Variants in MYO16 observed in about 807,000 individuals in gnomAD.
MYO16 encodes the protein myosin XVI.
A neutral mutation model predicts 205.3 loss-of-function variants in MYO16; 94 were observed. The ratio of observed to expected loss-of-function variants is 0.46; its 90% CI spans 0.39 to 0.54. The LOEUF is 0.54. Among genes scored for constraint, MYO16 ranks in the 20% least tolerant of loss-of-function variants. The probability of loss-of-function intolerance (pLI) is 0.00; values close to 1 mark genes in which losing one functional copy is unlikely to be tolerated. For synonymous variants in MYO16, 988 were observed against 954.0 expected (o/e 1.04, Z -0.66); for missense variants, 2,315 against 2,387.5 (o/e 0.97, Z 0.63).
chr13:108,886,593 C>T (rs1221103147), intron 13 of MYO16: 1 of 425,030 alleles, frequency 2.4e-6, no homozygotes, highest in Non-Finnish European at 4.7e-6. Flanking sequence ...GGCGGCTCCA[C>T]CCCCCGTCCT....
intron 7 of MYO16, among the ~76,000 whole-genome samples, chr13:108,814,191 G>A (rs1887378882): frequency 1.3e-5 from 2 of 152,126 alleles, no homozygotes; most frequent in Non-Finnish European, 2.9e-5. Flanking sequence ...TCTATAAACA[G>A]CAAATTGAAT....
chr13:108,712,592 CT>C lies in MYO16; in HGVS notation c.293-68del. The C allele has an allele frequency of 3.0e-6, 4 of 1,354,098 alleles. No homozygotes were observed. In the South Asian group the frequency reaches 4.7e-5, roughly 16 times the overall value. 83.9% of individuals were successfully genotyped at this position (1,354,098 alleles called of 1,614,324 possible). ...TTGCATTTTAGATATTAACGAAAGC[CT>C]ACACATTTGGTTCCACACGTGGAAG... is the stretch of plus-strand genomic sequence containing the variant. On this transcript the variant is annotated intron_variant, in intron 2 of 34. Coordinates refer to ENST00000457511, the MANE Select transcript of MYO16 (RefSeq NM_001198950.3).
At chr13:108,914,933 G>A (rs1208146980) in intron 16 of MYO16, among the ~76,000 whole-genome samples, 5 of 152,190 alleles carry the variant, frequency 3.3e-5, no homozygotes, top group Non-Finnish European at 7.3e-5. Flanking sequence ...ATGAACCACT[G>A]CGCCCGACCT....
intron 1 of MYO16, among the ~76,000 whole-genome samples, chr13:108,618,230 A>G (rs1006264989): frequency 2.6e-5 from 4 of 152,194 alleles, no homozygotes; most frequent in African/African-American, 9.7e-5. Context: ...ATCTGCTGCA[A>G]GAGTGGTCTT....
At chr13:109,119,661 G>C (rs1875889231) in intron 28 of MYO16, among the ~76,000 whole-genome samples, 1 of 152,158 alleles carries the variant, frequency 6.6e-6, no homozygotes, top group Non-Finnish European at 1.5e-5. Flanking sequence ...ATCAATATCA[G>C]TACGTTTGGA....
At chr13:108,500,911 T>C in the MYO16 span, among the ~76,000 whole-genome samples, 5,968 of 152,226 alleles carry the variant, frequency 0.039, 377 homozygotes, top group African/African-American at 0.14. Flanking sequence ...TCCAGCCTCC[T>C]CTGACACCTC....
intron 1 of MYO16, among the ~76,000 whole-genome samples, chr13:108,664,217 C>G (rs2139429745): frequency 6.6e-6 from 1 of 152,310 alleles, no homozygotes; most frequent in African/African-American, 2.4e-5. Context: ...TAGCTTCTGT[C>G]AAATGCAAAT....
At chr13:109,022,329 ATAT>A (rs2139521227) in intron 23 of MYO16, among the ~76,000 whole-genome samples, 2 of 124,200 alleles carry the variant, frequency 1.6e-5, no homozygotes, top group Non-Finnish European at 3.1e-5. Flanking sequence ...ATACAAATAT[ATAT>A]TTATATATTA....
At chr13:109,038,241 A>G (rs1021926709) in intron 23 of MYO16, among the ~76,000 whole-genome samples, 1 of 152,066 alleles carries the variant, frequency 6.6e-6, no homozygotes, top group Non-Finnish European at 1.5e-5. Flanking sequence ...CTTGAACATC[A>G]TTTCTGAGGG....
intron 15 of MYO16, among the ~76,000 whole-genome samples, chr13:108,901,474 G>T (rs903320439): frequency 6.6e-6 from 1 of 152,168 alleles, no homozygotes; most frequent in Non-Finnish European, 1.5e-5. Flanking sequence ...AATATCGGGG[G>T]TGAATTTCAC....
At chr13:108,757,650 C>A (rs1034453837) in intron 4 of MYO16, among the ~76,000 whole-genome samples, 3 of 152,000 alleles carry the variant, frequency 2.0e-5, no homozygotes, top group Admixed American at 2.0e-4. Flanking sequence ...CCACAACAGG[C>A]CCCAGTGTGT....
chr13:108,785,784 G>A (rs1270709008), intron 5 of MYO16, 41 bp downstream of exon 5: 1 of 1,296,420 alleles, frequency 7.7e-7, no homozygotes, highest in East Asian at 2.3e-5. Context: ...AAATAGATTG[G>A]GAGAATTGTA....
intron 22 of MYO16, among the ~76,000 whole-genome samples, chr13:109,016,005 C>T (rs934100669): frequency 6.6e-6 from 1 of 152,066 alleles, no homozygotes; most frequent in Non-Finnish European, 1.5e-5. Flanking sequence ...CTTCTGATAG[C>T]TTTTGAATTT....
At chr13:108,905,013 G>C (rs1290172260) in intron 15 of MYO16, among the ~76,000 whole-genome samples, 2 of 151,610 alleles carry the variant, frequency 1.3e-5, no homozygotes, top group South Asian at 2.1e-4. Flanking sequence ...TATTTTTTTC[G>C]ATCTTCAAAA....
intron 2 of MYO16, among the ~76,000 whole-genome samples, chr13:108,702,556 T>C (rs1883350264): frequency 6.6e-6 from 1 of 152,166 alleles, no homozygotes; most frequent in Admixed American, 6.6e-5. Context: ...AGGGAAACTT[T>C]CAGGCTGAAA....
chr13:108,790,749 AGT>A (rs1347445016), intron 5 of MYO16, among the ~76,000 whole-genome samples: 1 of 152,216 alleles, frequency 6.6e-6, no homozygotes, highest in African/African-American at 2.4e-5. Context: ...TTCAAAATTA[AGT>A]TTTCAAATAT....
intron 1 of MYO16, among the ~76,000 whole-genome samples, chr13:108,603,555 T>C (rs1423771342): frequency 6.6e-6 from 1 of 152,206 alleles, no homozygotes; most frequent in Non-Finnish European, 1.5e-5. Context: ...ATTTTAAATT[T>C]AAGCTACTTT....
rs1301099548 is a variant in MYO16 at position 109,127,001 on chromosome 13, C to T, written c.3783-281C>T. On this transcript the variant is annotated intron_variant, in intron 30 of 34. Transcript: ENST00000457511. This position sits in a 1 kb window ranked among gnomAD's most constrained non-coding sequence, Gnocchi z 4.2. ...AGTGCCTGATGGAAAATGCGAAGGC[C>T]CTTAAGTAGTGTTGCGTTTGTGTGA... Among the ~76,000 whole-genome samples, 1 of 152,060 alleles carries T rather than the reference C, an allele frequency of 6.6e-6. No individual in the cohort carries two copies. The highest frequency in any genetic ancestry group is 1.5e-5 in the Non-Finnish European group (1 of 68,022).
intron 4 of MYO16, among the ~76,000 whole-genome samples, chr13:108,777,433 G>A (rs1286590530): frequency 3.3e-5 from 5 of 152,148 alleles, no homozygotes; most frequent in South Asian, 2.1e-4. Flanking sequence ...TCCCCACATC[G>A]GGGAGAGTAT....
Sources: allele counts gnomAD v4.1 joint callset (sites outside exome capture counted in the v4.1 genomes callset), GRCh38; gene constraint gnomAD v4.1.1; non-coding constraint Gnocchi (gnomAD v3.1); transcripts MANE v1.5; gene names NCBI Gene and HGNC (gene_info 2026-07-23, HGNC 2026-07-21).